The following FZR1 variants were observed in gnomAD, a reference collection of about 807,000 sequenced individuals.
The protein encoded by FZR1 is fizzy and cell division cycle 20 related 1.
In FZR1, 11 loss-of-function variants were observed where a neutral mutation model predicts 63.6. That is an observed-to-expected ratio of 0.17 (90% CI 0.11 to 0.29). The LOEUF (loss-of-function observed/expected upper bound fraction) is 0.29. Ranked by LOEUF, FZR1 falls within the 10% of genes least tolerant of loss-of-function variation. FZR1 has a pLI of 1.00. For synonymous variants in FZR1, 328 were observed against 297.9 expected, an observed-to-expected ratio of 1.10 and a Z score of -1.04; for missense variants, 440 against 687.5, an observed-to-expected ratio of 0.64 and a Z score of 4.03.
rs139048552 is a variant in FZR1, at chr19:3,512,165, G to A, written c.-35+5691G>A. Reference sequence around the variant, plus strand: ...GCAGCATCCTGGCTGCCAAGGCACCGCCATGCCCAAGGACGAAGGAGCAGG... The same window carrying A: ...GCAGCATCCTGGCTGCCAAGGCACCACCATGCCCAAGGACGAAGGAGCAGG... On this transcript the variant is annotated intron_variant, in intron 1 of 13. Coordinates refer to ENST00000441788, the MANE Select transcript of FZR1 (RefSeq NM_016263.4). 4.7e-3 allele frequency among the ~76,000 whole-genome samples: 711 copies of A among 152,334 alleles called. 7 individuals are homozygous for A. The highest frequency in any genetic ancestry group is 0.016 in the African/African-American group (657 of 41,574).
rs922082157 is a variant in FZR1 at position 3,533,151 on chromosome 19, A to G, written c.1243-143A>G. On this transcript the variant is annotated intron_variant, in intron 11 of 13. Transcript: ENST00000441788. This position sits in a 1 kb window ranked among gnomAD's most constrained non-coding sequence, Gnocchi z 4.9. ...CTAGACAGACTCAGGTGGCAGAGCC[A>G]CATCCCAGCATCCCCTGCTCCTCCT... 2 of 654,018 alleles carry G rather than the reference A, an allele frequency of 3.1e-6. No individual in the cohort carries two copies. The highest frequency in any genetic ancestry group is 2.2e-5 in the Admixed American group (1 of 45,012). 40.5% of individuals were successfully genotyped at this position (654,018 alleles called of 1,614,324 possible).
At position 3,526,205 on chromosome 19, in the gene FZR1, C is replaced by T. The variant is rs1285201474; in HGVS notation, c.259+22C>T. The T allele has an allele frequency of 1.9e-6, 3 of 1,612,082 alleles. No homozygotes were observed. The highest frequency in any genetic ancestry group is 3.3e-5 in the Admixed American group (2 of 60,020). On this transcript the variant is annotated intron_variant, in intron 4 of 13. Transcript: ENST00000441788. This position sits in a 1 kb window ranked among gnomAD's most constrained non-coding sequence, Gnocchi z 5.4. The stretch of plus-strand genomic sequence containing the variant: ...AAAGGTTAGGGTCCCAGCCCATCCG[C>T]CCTGCAGGCCCCCACCCTGCCTTGC...
At position 3,514,247 on chromosome 19, in the gene FZR1, T is replaced by C. The variant is rs1222388038; in HGVS notation, c.-35+7773T>C. 2.0e-5 allele frequency among the ~76,000 whole-genome samples: 3 copies of C among 152,078 alleles called. No individual in the cohort carries two copies. Among genetic ancestry groups the C allele is most frequent in the Admixed American group, 2.0e-4 (3 of 15,284 alleles). On this transcript the variant is annotated intron_variant, in intron 1 of 13. Coordinates refer to ENST00000441788, the MANE Select transcript of FZR1 (RefSeq NM_016263.4). This position sits in a 1 kb window ranked among gnomAD's most constrained non-coding sequence, Gnocchi z 4.2. The stretch of plus-strand genomic sequence containing the variant: ...ACAGTGCCTCATCGGCTCCCTTTCC[T>C]CCTCTCCCCACTGGTGCAGTGGGGA...
At chr19:3,507,745 C>T (rs1450632452) in intron 1 of FZR1, among the ~76,000 whole-genome samples, 1 of 152,252 alleles carries the variant, frequency 6.6e-6, no homozygotes, top group Non-Finnish European at 1.5e-5. Flanking sequence ...AAGCTGACGG[C>T]ATCACCTAGG....
In FZR1 at chr19:3,536,907, C is replaced by T. The variant is rs368048837; in HGVS notation, c.*2071C>T. On this transcript the variant is annotated 3_prime_UTR_variant, in exon 14 of 14. Transcript: ENST00000441788. The stretch of plus-strand genomic sequence containing the variant: ...GATGGGGAGCTCAGCCCTCGAAGGC[C>T]GCAGAGACGCCTCCCAGGCCCGTCT... 1.5e-3 allele frequency: 229 copies of T among 152,374 alleles called. 1 individual carries two copies. Among genetic ancestry groups the T allele is most frequent in the South Asian group, 0.015 (71 of 4,830 alleles). 9.4% of individuals were successfully genotyped at this position (152,374 alleles called of 1,614,324 possible).
intron 7 of FZR1, among the ~76,000 whole-genome samples, chr19:3,530,274 GA>G (rs2083229417): frequency 7.1e-6 from 1 of 141,670 alleles, no homozygotes; most frequent in Admixed American, 6.9e-5. Flanking sequence ...GAGCGGATGG[GA>G]GAGCGGATGG....
Position 3,516,720 on chromosome 19 carries a change from G to T in FZR1, c.-34-6236G>T, listed in dbSNP as rs1244886712. 6.6e-6 allele frequency among the ~76,000 whole-genome samples: 1 copy of T among 152,264 alleles called. No individual in the cohort carries two copies. Among genetic ancestry groups the T allele is most frequent in the Non-Finnish European group, 1.5e-5 (1 of 68,042 alleles). ...ACAGACAGGAGCTGGGTCTCAGGCT[G>T]CTGGGCAGGCCTGGGCCCTGTGGTT... On this transcript the variant is annotated intron_variant, in intron 1 of 13. Transcript: ENST00000441788. This position sits in a 1 kb window ranked among gnomAD's most constrained non-coding sequence, Gnocchi z 6.0.
intron 1 of FZR1, among the ~76,000 whole-genome samples, chr19:3,520,732 C>T (rs1003674945): frequency 6.6e-5 from 10 of 152,236 alleles, no homozygotes; most frequent in Admixed American, 4.6e-4. Context: ...AACCCCAGGC[C>T]GGGAGCTCGT....
chr19:3,507,649 G>A (rs1368631427), intron 1 of FZR1, among the ~76,000 whole-genome samples: 2 of 152,148 alleles, frequency 1.3e-5, no homozygotes, highest in African/African-American at 4.8e-5. Flanking sequence ...CATCCACCAA[G>A]GACACACACC....
rs766676061 is a variant in FZR1 at position 3,525,913 on chromosome 19, T to C, written c.115T>C (p.Ser39Pro). ...CCTGACGCCTGCCAGCTCCCCAGTG[T>C]CCTCGCCCAGCAAGCACGGAGACCG... Reference protein sequence around the residue: ...RTLTPASSPVSSPSKHGDRFI... With the variant: ...RTLTPASSPVPSPSKHGDRFI... The change falls in exon 3 of 14, where the codon TCC becomes CCC. Residue 39 changes from serine to proline, a missense_variant. Coordinates refer to ENST00000441788, the MANE Select transcript of FZR1 (RefSeq NM_016263.4). The surrounding 1 kb of genome is among the most constrained non-coding windows in gnomAD (Gnocchi z 4.2). The C allele has an allele frequency of 1.9e-6, 3 of 1,612,266 alleles. No individual in the cohort carries two copies. Among genetic ancestry groups the C allele is most frequent in the Non-Finnish European group, 2.5e-6 (3 of 1,179,886 alleles).
chr19:3,517,731 A>G (rs1416395044), intron 1 of FZR1, among the ~76,000 whole-genome samples: 2 of 152,066 alleles, frequency 1.3e-5, no homozygotes, highest in Non-Finnish European at 2.9e-5. Flanking sequence ...TAAAAACTCC[A>G]GGGCGCTCCT....
At chr19:3,520,243 G>T (rs999516888) in intron 1 of FZR1, among the ~76,000 whole-genome samples, 3 of 152,052 alleles carry the variant, frequency 2.0e-5, no homozygotes, top group Non-Finnish European at 4.4e-5. Flanking sequence ...GTGGAGAACC[G>T]GTGGGGACTG....
chr19:3,533,951 G>A lies in FZR1; in HGVS notation c.1348-470G>A, dbSNP rs549232009. Among the ~76,000 whole-genome samples, 9 of 152,208 alleles carry A rather than the reference G, an allele frequency of 5.9e-5. No individual in the cohort carries two copies. In the East Asian group the frequency reaches 7.7e-4, roughly 13 times the overall value. On this transcript the variant is annotated intron_variant, in intron 12 of 13. Coordinates refer to ENST00000441788, the MANE Select transcript of FZR1 (RefSeq NM_016263.4). This position sits in a 1 kb window ranked among gnomAD's most constrained non-coding sequence, Gnocchi z 4.9. ...AAATGCTCCAACCTTGGCTAGGTGC[G>A]GTGGCTCACGCCTGTAATCCCTGCA...
intron 8 of FZR1, among the ~76,000 whole-genome samples, chr19:3,531,258 A>AGCTGCCCAGG (rs1267519619): frequency 6.6e-6 from 1 of 152,210 alleles, no homozygotes; most frequent in Non-Finnish European, 1.5e-5. Context: ...CCTCACCCAG[A>AGCTGCCCAGG]GCTGCCCAGG....
At chr19:3,528,408 C>G (rs1178134672) in intron 7 of FZR1, among the ~76,000 whole-genome samples, 1 of 152,216 alleles carries the variant, frequency 6.6e-6, no homozygotes, top group Non-Finnish European at 1.5e-5. Context: ...GTGTCCCACA[C>G]CCTTCTAGGC....
intron 8 of FZR1, 34 bp from the exon 9 acceptor site, chr19:3,531,680 G>C: frequency 6.9e-7 from 1 of 1,458,350 alleles, no homozygotes; most frequent in South Asian, 1.2e-5. Context: ...GGCCAGACCT[G>C]ACACCGGTGC....
Position 3,526,358 on chromosome 19 carries a change from C to A in FZR1, c.359C>A (p.Ser120Tyr). 6.3e-7 allele frequency: 1 copy of A among 1,597,800 alleles called. No individual in the cohort carries two copies. Among genetic ancestry groups the A allele is most frequent in the East Asian group, 2.3e-5 (1 of 43,796 alleles). ...PQTEDRRLQP[S>Y]TPEKKGLFTY... ...ACTGAGGACCGCAGGCTGCAGCCCTCCACGCCTGAGAAGAAGGGTCTGTTC... is the reference window on the plus strand; with the variant it reads ...ACTGAGGACCGCAGGCTGCAGCCCTACACGCCTGAGAAGAAGGGTCTGTTC... Residue 120 changes from serine to tyrosine, a missense_variant, in exon 5 of 14, where the codon TCC becomes TAC. Ser to Tyr is a moderately radical substitution (Grantham distance 144). Coordinates refer to ENST00000441788, the MANE Select transcript of FZR1 (RefSeq NM_016263.4). This position sits in a 1 kb window ranked among gnomAD's most constrained non-coding sequence, Gnocchi z 5.4.
intron 11 of FZR1, 23 bp downstream of exon 11, chr19:3,532,673 C>A (rs1433410513): frequency 2.0e-6 from 3 of 1,529,746 alleles, no homozygotes; most frequent in East Asian, 2.3e-5. Flanking sequence ...GGCCCGGCCT[C>A]CCACCAGGCC....
rs1372374927 is a variant in FZR1, at chr19:3,532,038, C to T, written c.951C>T (p.Cys317=). 12 of 1,540,438 alleles carry T rather than the reference C, an allele frequency of 7.8e-6. No individual in the cohort carries two copies. The highest frequency in any genetic ancestry group is 2.4e-5 in the East Asian group (1 of 41,514). The part of the protein sequence containing the change: ...RRLQGHRQEV[C]GLKWSTDHQL... Reference sequence around the variant, plus strand: ...TGCAGGGCCACCGGCAGGAGGTGTGCGGGCTCAAGTGGTCCACAGACCACC... The same window carrying T: ...TGCAGGGCCACCGGCAGGAGGTGTGTGGGCTCAAGTGGTCCACAGACCACC... The change falls in exon 10 of 14, where the codon TGC becomes TGT. Residue 317 remains cysteine, a synonymous_variant. Transcript: ENST00000441788.
Sources: gnomAD v4.1 joint callset for allele counts (sites outside exome capture counted in the v4.1 genomes callset) on GRCh38, gnomAD v4.1.1 for gene constraint, Gnocchi (gnomAD v3.1) non-coding constraint, MANE v1.5 for transcripts, NCBI Gene and HGNC (gene_info 2026-07-23, HGNC 2026-07-21) for gene names.